MYLK: variants seen among roughly 807,000 people sequenced by gnomAD.
The protein encoded by MYLK is myosin light chain kinase, smooth muscle.
MYLK carries 106 observed loss-of-function variants against 203.4 expected under a neutral mutation model. That is an observed-to-expected ratio of 0.52 (90% CI 0.45 to 0.61). The LOEUF is 0.61. Ranked by LOEUF, MYLK falls within the 20% of genes least tolerant of loss-of-function variation. MYLK has a pLI of 0.00. For missense variants in MYLK, 2,072 were observed against 2,442.3 expected (o/e 0.85, Z 3.20); for synonymous variants, 867 against 959.5 (o/e 0.90, Z 1.78).
At chr3:123,699,899 TA>T in intron 18 of MYLK, 120 bp downstream of exon 18, 2 of 1,378,516 alleles carry the variant, frequency 1.5e-6, no homozygotes, top group Non-Finnish European at 2.0e-6. Context: ...TCCTACCTGC[TA>T]AACCAGGTTA....
At chr3:123,812,273 T>G (rs1325517588) in intron 3 of MYLK, among the ~76,000 whole-genome samples, 1 of 152,186 alleles carries the variant, frequency 6.6e-6, no homozygotes, top group Non-Finnish European at 1.5e-5. Context: ...CTGTTCCTTG[T>G]GATGTAAGCT....
chr3:123,689,690 T>A (rs2108503814), intron 19 of MYLK: 1 of 152,356 alleles, frequency 6.6e-6, no homozygotes, highest in African/African-American at 2.4e-5. Context: ...AGGACAGGCA[T>A]TGAAGGTCAG....
At chr3:123,614,856 G>T (rs746174018) in intron 33 of MYLK, among the ~76,000 whole-genome samples, 2 of 152,152 alleles carry the variant, frequency 1.3e-5, no homozygotes, top group East Asian at 3.9e-4. Context: ...ACCTAGGCTG[G>T]AGTGCAGTGG....
chr3:123,820,311 T>C (rs2109291484), intron 3 of MYLK, among the ~76,000 whole-genome samples: 1 of 152,296 alleles, frequency 6.6e-6, no homozygotes, highest in Non-Finnish European at 1.5e-5. Flanking sequence ...GAAGTACAGA[T>C]ACTGCCAGAC....
intron 3 of MYLK, among the ~76,000 whole-genome samples, chr3:123,821,345 A>T (rs2065931820): frequency 6.6e-6 from 1 of 152,246 alleles, no homozygotes; most frequent in African/African-American, 2.4e-5. Context: ...GCTGTAGCAT[A>T]GTTTTCTTTC....
intron 5 of MYLK, among the ~76,000 whole-genome samples, chr3:123,745,217 G>T (rs1212033205): frequency 6.6e-6 from 1 of 152,016 alleles, no homozygotes; most frequent in African/African-American, 2.4e-5. Context: ...ACTGGGAAAA[G>T]ATTCTTGCTG....
Position 123,707,889 on chromosome 3 carries a change from A to C in MYLK, c.2255T>G (p.Val752Gly), listed in dbSNP as rs2061523626. ...GGCTTTGCCATCTCTGAGCCAGTGC[A>C]CGGTAGGAAAGGGGTCACCAGCTAT... ...CAIAGDPFPT[V>G]HWLRDGKALC... The change falls in exon 16 of 34, where the codon GTG becomes GGG. Residue 752 changes from valine (V) to glycine (G), a missense_variant. This residue lies in a region of MYLK where 865 missense variants were observed against 1,016.0 expected (regional missense o/e 0.85). Coordinates refer to ENST00000360304, the MANE Select transcript of MYLK (RefSeq NM_053025.4). 1 of 1,614,236 alleles carries C rather than the reference A, an allele frequency of 6.2e-7. No homozygotes were observed. The highest frequency in any genetic ancestry group is 8.5e-7 in the Non-Finnish European group (1 of 1,180,042).
intron 4 of MYLK, among the ~76,000 whole-genome samples, chr3:123,786,757 C>T (rs112331951): frequency 6.6e-6 from 1 of 151,978 alleles, no homozygotes; most frequent in Non-Finnish European, 1.5e-5. Context: ...ATCTCATGTA[C>T]CCCATAAATA....
intron 24 of MYLK, among the ~76,000 whole-genome samples, chr3:123,652,393 G>A (rs974242692): frequency 6.6e-5 from 10 of 152,208 alleles, no homozygotes; most frequent in African/African-American, 1.9e-4. Flanking sequence ...AAACAGATGA[G>A]AGTCTCGTTA....
At chr3:123,775,834 C>T (rs547644903) in intron 4 of MYLK, among the ~76,000 whole-genome samples, 1 of 152,236 alleles carries the variant, frequency 6.6e-6, no homozygotes, top group African/African-American at 2.4e-5. Context: ...GAAGATGGTT[C>T]TCCTTAAACT....
chr3:123,777,075 C>T (rs769611556), intron 4 of MYLK, among the ~76,000 whole-genome samples: 2 of 152,232 alleles, frequency 1.3e-5, no homozygotes, highest in Non-Finnish European at 2.9e-5. Flanking sequence ...TAGAATATTG[C>T]ATTTTTACTT....
At position 123,775,465 on chromosome 3, in the gene MYLK, T is replaced by C. The variant is rs549159476; in HGVS notation, c.165+18212A>G. Reference sequence around the variant, plus strand: ...ACTGAGTCTTAGCATTTCATGCCTCTTAGAACCCAGCTCTGTATTTGTTGT... The same window carrying C: ...ACTGAGTCTTAGCATTTCATGCCTCCTAGAACCCAGCTCTGTATTTGTTGT... On this transcript the variant is annotated intron_variant, in intron 4 of 33. Coordinates refer to ENST00000360304, the MANE Select transcript of MYLK (RefSeq NM_053025.4). Among the ~76,000 whole-genome samples the C allele has an allele frequency of 3.5e-4, 53 of 152,338 alleles. 2 individuals are homozygous for C. In the South Asian group the frequency reaches 7.7e-3, roughly 22 times the overall value.
At chr3:123,863,103 C>G (rs1250289609) in intron 2 of MYLK, among the ~76,000 whole-genome samples, 1 of 152,122 alleles carries the variant, frequency 6.6e-6, no homozygotes, top group Non-Finnish European at 1.5e-5. Flanking sequence ...TCAGTTTCTT[C>G]CTCTGCAAGA....
intron 20 of MYLK, among the ~76,000 whole-genome samples, chr3:123,673,144 T>G: frequency 6.8e-6 from 1 of 147,382 alleles, no homozygotes. Flanking sequence ...TAGTGCAGCA[T>G]GTTCTTTTTT....
At chr3:123,697,216 A>G (rs900250818) in intron 18 of MYLK, among the ~76,000 whole-genome samples, 2 of 152,236 alleles carry the variant, frequency 1.3e-5, no homozygotes, top group Non-Finnish European at 2.9e-5. Context: ...AAGCCTTAAG[A>G]TAAGTTTTTT....
rs1010859809 is a variant in MYLK, at chr3:123,837,757, T to A, written c.-126-6087A>T. ...CCTAGGCAACCAATAGTCTACTTTC[T>A]GTTTCTATGGATTAAGGATGGCTTC... On this transcript the variant is annotated intron_variant, in intron 2 of 33. Coordinates refer to ENST00000360304, the MANE Select transcript of MYLK (RefSeq NM_053025.4). Among the ~76,000 whole-genome samples, 3 of 151,906 alleles carry A rather than the reference T, an allele frequency of 2.0e-5. No individual in the cohort carries two copies. In the South Asian group the frequency reaches 6.2e-4, roughly 32 times the overall value.
At chr3:123,853,561 C>G (rs1193451063) in intron 2 of MYLK, among the ~76,000 whole-genome samples, 2 of 152,150 alleles carry the variant, frequency 1.3e-5, no homozygotes, top group South Asian at 2.1e-4. Context: ...AGAGAAATGT[C>G]TATTCCAGTT....
intron 3 of MYLK, among the ~76,000 whole-genome samples, chr3:123,818,016 A>G (rs540104582): frequency 5.3e-5 from 8 of 152,282 alleles, no homozygotes; most frequent in Admixed American, 5.2e-4. Flanking sequence ...CCTATAGCAG[A>G]GGGGTTTATT....
At chr3:123,681,969 G>A in intron 20 of MYLK, 1 of 545,432 alleles carries the variant, frequency 1.8e-6, no homozygotes, top group Non-Finnish European at 3.3e-6. Flanking sequence ...GAGGTAGATA[G>A]GAGCTCAGAT....
Sources: gnomAD v4.1 joint callset for allele counts (sites outside exome capture counted in the v4.1 genomes callset) on GRCh38, gnomAD v4.1.1 for gene constraint, gnomAD v4.1.1 regional missense constraint, MANE v1.5 for transcripts, NCBI Gene and HGNC (gene_info 2026-07-23, HGNC 2026-07-21) for gene names.